Variants in SQOR observed in about 807,000 individuals in gnomAD.
The protein encoded by SQOR is sulfide quinone oxidoreductase.
Under a neutral mutation model 48.6 loss-of-function variants are expected in SQOR, and 39 were observed. The observed-to-expected ratio is 0.80, with a 90% CI of 0.62 to 1.05. SQOR has a LOEUF of 1.05. SQOR is among the 50% of genes least tolerant of loss of function. SQOR has a pLI of 0.00. For synonymous variants in SQOR, 220 were observed against 206.2 expected (o/e 1.07, Z -0.57); for missense variants, 561 against 559.9 (o/e 1.00, Z -0.02).
intron 5 of SQOR, among the ~76,000 whole-genome samples, chr15:45,675,276 T>C (rs1289092455): frequency 1.3e-5 from 2 of 152,176 alleles, no homozygotes; most frequent in African/African-American, 4.8e-5. Flanking sequence ...CCATAAGATC[T>C]TAGGCATTTG....
chr15:45,643,126 G>C (rs1295774612), intron 1 of SQOR, among the ~76,000 whole-genome samples: 2 of 152,180 alleles, frequency 1.3e-5, no homozygotes, highest in Non-Finnish European at 2.9e-5. Context: ...AGGGGGTCAG[G>C]CCTGGAGAAA....
At chr15:45,661,888 C>A in intron 2 of SQOR, 67 bp from the exon 3 acceptor site, 1 of 1,488,738 alleles carries the variant, frequency 6.7e-7, no homozygotes, top group Non-Finnish European at 9.1e-7. Flanking sequence ...CTAGCCCATA[C>A]TGTTAGCTAT....
chr15:45,664,438 C>T (rs1889775304), intron 3 of SQOR, among the ~76,000 whole-genome samples: 1 of 151,574 alleles, frequency 6.6e-6, no homozygotes, highest in Admixed American at 6.6e-5. Flanking sequence ...TATATGTGTC[C>T]CCCCCATCCT....
intron 1 of SQOR, among the ~76,000 whole-genome samples, chr15:45,640,052 A>G (rs1033827299): frequency 6.6e-6 from 1 of 152,236 alleles, no homozygotes; most frequent in African/African-American, 2.4e-5. Context: ...CGTAAAGTGC[A>G]TAGCACAATG....
chr15:45,652,270 A>G (rs1889507677), intron 1 of SQOR, among the ~76,000 whole-genome samples: 1 of 152,148 alleles, frequency 6.6e-6, no homozygotes, highest in Non-Finnish European at 1.5e-5. Context: ...TTGTTGACAG[A>G]AGTTTTCAGT....
At chr15:45,638,124 A>G (rs962594309) in intron 1 of SQOR, among the ~76,000 whole-genome samples, 4 of 152,232 alleles carry the variant, frequency 2.6e-5, no homozygotes, top group African/African-American at 9.6e-5. Flanking sequence ...GACAGGAGGT[A>G]GAGAACTTTG....
chr15:45,683,854 ATGTG>A (rs79144382), intron 7 of SQOR, among the ~76,000 whole-genome samples: 349 of 149,150 alleles, frequency 2.3e-3, no homozygotes, highest in Non-Finnish European at 4.3e-3. Context: ...TGTATATATT[ATGTG>A]TGTGTGTGTG....
chr15:45,682,397 A>T (rs1208374481), intron 6 of SQOR, 81 bp from the exon 7 acceptor site: 3 of 1,464,610 alleles, frequency 2.0e-6, no homozygotes, highest in African/African-American at 2.8e-5. Context: ...CAGTGTATAG[A>T]GTAAGGAAGG....
rs771873941 is a variant in SQOR at position 45,669,966 on chromosome 15, G to T, written c.444G>T (p.Gln148His). 1.5e-5 allele frequency: 25 copies of T among 1,614,086 alleles called. No homozygotes were observed. Among genetic ancestry groups the T allele is most frequent in the Non-Finnish European group, 2.1e-5 (25 of 1,179,976 alleles). ...ATCTTATTATTGCTCTCGGAATCCA[G>T]CTGGACTATGAGAAGGTACCGTGTG... The part of the protein sequence containing the change: ...YRYLIIALGI[Q>H]LDYEKIKGLP... Residue 148 changes from glutamine to histidine, a missense_variant, in exon 4 of 10, where the codon CAG (glutamine) becomes CAT (histidine). Physicochemically the swap from Gln to His is conservative, Grantham distance 24. Coordinates refer to ENST00000260324, the MANE Select transcript of SQOR (RefSeq NM_021199.4).
At chr15:45,656,854 G>A (rs1449108015) in intron 1 of SQOR, among the ~76,000 whole-genome samples, 1 of 141,538 alleles carries the variant, frequency 7.1e-6, no homozygotes, top group Non-Finnish European at 1.5e-5. Flanking sequence ...ACCCAGGTTG[G>A]AGTGCAGTGG....
At chr15:45,674,474 T>A (rs1890001331) in intron 5 of SQOR, among the ~76,000 whole-genome samples, 1 of 152,088 alleles carries the variant, frequency 6.6e-6, no homozygotes, top group Non-Finnish European at 1.5e-5. Context: ...GAGAGATATG[T>A]TAGAGACTGT....
chr15:45,656,815 G>T, intron 1 of SQOR, among the ~76,000 whole-genome samples: 1 of 151,482 alleles, frequency 6.6e-6, no homozygotes, highest in Non-Finnish European at 1.5e-5. Context: ...TTATTTTATT[G>T]TTTTTTTCAG....
chr15:45,673,840 A>C (rs1566921608), intron 5 of SQOR, 39 bp downstream of exon 5: 1 of 1,599,710 alleles, frequency 6.3e-7, no homozygotes, highest in East Asian at 2.2e-5. Flanking sequence ...AGCAGGGCGG[A>C]CAGTGCTAAT....
Position 45,691,020 on chromosome 15 carries a change from G to T in SQOR, c.1343G>T (p.Gly448Val), listed in dbSNP as rs1277881371. The change falls in exon 10 of 10, where the codon GGT (glycine) becomes GTT (valine). Residue 448 changes from glycine (G) to valine (V), a missense_variant. Coordinates refer to ENST00000260324, the MANE Select transcript of SQOR (RefSeq NM_021199.4). ...PAFLRKLFHLGMS is the reference protein window; with the variant it reads ...PAFLRKLFHLVMS The stretch of plus-strand genomic sequence containing the variant: ...TTTCTGCGCAAGTTGTTTCATCTAG[G>T]TATGAGTTAAGGATGGCTCAGCACT... 1.9e-6 allele frequency: 3 copies of T among 1,614,004 alleles called. No individual in the cohort carries two copies. The highest frequency in any genetic ancestry group is 1.7e-6 in the Non-Finnish European group (2 of 1,180,008).
chr15:45,639,844 A>G (rs1282207251), intron 1 of SQOR, among the ~76,000 whole-genome samples: 1 of 152,244 alleles, frequency 6.6e-6, no homozygotes, highest in Non-Finnish European at 1.5e-5. Flanking sequence ...TTCAAGGTCT[A>G]GGTGATCAAA....
At chr15:45,651,403 C>A (rs979218313) in intron 1 of SQOR, among the ~76,000 whole-genome samples, 1 of 152,236 alleles carries the variant, frequency 6.6e-6, no homozygotes, top group East Asian at 1.9e-4. Flanking sequence ...CACCTCCCTG[C>A]AAGCAGAGGG....
In SQOR at chr15:45,676,127, C is replaced by A; in HGVS notation, c.681C>A (p.Ile227=). 6.2e-7 allele frequency: 1 copy of A among 1,613,920 alleles called. No individual in the cohort carries two copies. Among genetic ancestry groups the A allele is most frequent in the Non-Finnish European group, 8.5e-7 (1 of 1,179,994 alleles). ...CAGGGAAGCGATCCAAGGCCAATATCATTTTCAACACTTCTCTTGGAGCCA... is the reference window on the plus strand; with the variant it reads ...CAGGGAAGCGATCCAAGGCCAATATAATTTTCAACACTTCTCTTGGAGCCA... ...RKTGKRSKAN[I]IFNTSLGAIF... The change falls in exon 6 of 10, where the codon ATC becomes ATA. Residue 227 remains isoleucine (I), a synonymous_variant. Coordinates refer to ENST00000260324, the MANE Select transcript of SQOR (RefSeq NM_021199.4).
upstream of SQOR, chr15:45,631,727 C>G (rs1322869863): frequency 1.3e-5 from 2 of 152,350 alleles, no homozygotes; most frequent in Non-Finnish European, 2.9e-5. Context: ...GCAAATCTTC[C>G]CAGAGCCCTG....
At chr15:45,632,875 G>A (rs989632898), upstream of SQOR, among the ~76,000 whole-genome samples, 4 of 151,862 alleles carry the variant, frequency 2.6e-5, no homozygotes, top group South Asian at 2.1e-4. Flanking sequence ...AGGCTGAGGC[G>A]GGAGGATGGC....
Sources: gnomAD v4.1 joint callset for allele counts (sites outside exome capture counted in the v4.1 genomes callset) on GRCh38, gnomAD v4.1.1 for gene constraint, MANE v1.5 for transcripts, NCBI Gene and HGNC (gene_info 2026-07-23, HGNC 2026-07-21) for gene names.